The following EFL1 variants were observed in gnomAD, a reference collection of about 807,000 sequenced individuals.
EFL1 encodes the protein elongation factor like GTPase 1.
In EFL1, 76 loss-of-function variants were observed where a neutral mutation model predicts 126.7. The observed-to-expected ratio is 0.60, with a 90% CI of 0.50 to 0.73. The LOEUF (loss-of-function observed/expected upper bound fraction) is 0.73. Among genes scored for constraint, EFL1 ranks in the 30% least tolerant of loss-of-function variants. EFL1 has a pLI of 0.00. For synonymous variants in EFL1, 410 were observed against 448.4 expected, an observed-to-expected ratio of 0.91 and a Z score of 1.08; for missense variants, 1,128 against 1,343.2, an observed-to-expected ratio of 0.84 and a Z score of 2.50.
chr15:82,259,171 C>T lies in EFL1; in HGVS notation c.92-16G>A. The T allele has an allele frequency of 6.2e-7, 1 of 1,608,742 alleles. No individual in the cohort carries two copies. Among genetic ancestry groups the T allele is most frequent in the East Asian group, 2.2e-5 (1 of 44,826 alleles). ...GTAGTTTTTCCTGTTAAAATAGCAA[C>T]ATCAATTCAAATCTATATCTTTTTT... On this transcript the variant is annotated splice_polypyrimidine_tract_variant and intron_variant, in intron 2 of 19. Coordinates refer to ENST00000268206, the MANE Select transcript of EFL1 (RefSeq NM_024580.6).
chr15:82,136,237 C>A (rs117235117), intron 19 of EFL1, among the ~76,000 whole-genome samples: 2,746 of 152,302 alleles, frequency 0.018, 30 homozygotes, highest in Non-Finnish European at 0.026. Flanking sequence ...TACAACAGCT[C>A]TGAATGCCTA....
intron 19 of EFL1, 63 bp from the exon 20 acceptor site, chr15:82,130,624 T>C: frequency 6.5e-7 from 1 of 1,545,838 alleles, no homozygotes. Flanking sequence ...CCTTATTCAC[T>C]GAGCTCCCCA....
intron 14 of EFL1, among the ~76,000 whole-genome samples, chr15:82,217,440 A>G (rs2074662085): frequency 6.6e-6 from 1 of 151,798 alleles, no homozygotes; most frequent in African/African-American, 2.4e-5. Flanking sequence ...TATAAATAAA[A>G]TGTACATTTA....
chr15:82,146,663 AG>A (rs1471420218), intron 18 of EFL1, among the ~76,000 whole-genome samples: 2 of 151,334 alleles, frequency 1.3e-5, no homozygotes, highest in African/African-American at 4.9e-5. Flanking sequence ...CTTTTAAGGC[AG>A]TGGATGTGGT....
intron 15 of EFL1, among the ~76,000 whole-genome samples, chr15:82,182,891 G>C (rs2074266684): frequency 2.0e-5 from 3 of 152,084 alleles, no homozygotes; most frequent in Admixed American, 2.0e-4. Flanking sequence ...TATGAAGTCA[G>C]AACAGTCAGC....
chr15:82,259,689 A>G (rs543088507), intron 2 of EFL1, among the ~76,000 whole-genome samples: 4 of 152,328 alleles, frequency 2.6e-5, no homozygotes, highest in South Asian at 4.1e-4. Flanking sequence ...ACATACAACT[A>G]AAGTCTATGA....
At chr15:82,200,371 T>C (rs2074454246) in intron 15 of EFL1, among the ~76,000 whole-genome samples, 4 of 152,206 alleles carry the variant, frequency 2.6e-5, no homozygotes, top group Non-Finnish European at 1.5e-5. Context: ...ATAACAACTT[T>C]AGGCAGAGGC....
At chr15:82,166,553 A>G (rs1247530262) in intron 15 of EFL1, among the ~76,000 whole-genome samples, 1 of 152,240 alleles carries the variant, frequency 6.6e-6, no homozygotes, top group Non-Finnish European at 1.5e-5. Flanking sequence ...GAATCACTAT[A>G]AAGTGACTTT....
intron 13 of EFL1, 39 bp downstream of exon 13, chr15:82,220,039 C>G (rs759523169): frequency 1.3e-6 from 2 of 1,562,410 alleles, no homozygotes; most frequent in East Asian, 2.3e-5. Flanking sequence ...AGCAAAAAGG[C>G]AAATACTTTG....
At chr15:82,237,137 T>C (rs1388271213) in intron 7 of EFL1, among the ~76,000 whole-genome samples, 2 of 152,122 alleles carry the variant, frequency 1.3e-5, no homozygotes, top group African/African-American at 2.4e-5. Context: ...GGCAAGACTC[T>C]GTCTCAAAAA....
At chr15:82,207,522 T>C (rs2074538332) in intron 15 of EFL1, among the ~76,000 whole-genome samples, 1 of 151,936 alleles carries the variant, frequency 6.6e-6, no homozygotes, top group Non-Finnish European at 1.5e-5. Context: ...AAGTATGATT[T>C]TTAAATTAAA....
chr15:82,141,815 G>A (rs754299020), intron 18 of EFL1, among the ~76,000 whole-genome samples: 2 of 152,194 alleles, frequency 1.3e-5, no homozygotes, highest in African/African-American at 2.4e-5. Context: ...GGGGCCAGTG[G>A]GGACAAGCTG....
chr15:82,215,919 A>G (rs762189093), intron 14 of EFL1, among the ~76,000 whole-genome samples: 3 of 152,154 alleles, frequency 2.0e-5, no homozygotes, highest in Non-Finnish European at 4.4e-5. Flanking sequence ...TGGGCTGGAG[A>G]GATAGAAAAA....
In EFL1 at chr15:82,152,362, T is replaced by G; in HGVS notation, c.2092A>C (p.Lys698Gln). The change falls in exon 18 of 20, where the codon AAA becomes CAA. Residue 698 changes from lysine to glutamine, a missense_variant. Transcript: ENST00000268206. Reference protein sequence around the residue: ...PIIPFRETITKPPKVDMVNEE... With the variant: ...PIIPFRETITQPPKVDMVNEE... Reference sequence around the variant, plus strand: ...TTGACCATGTCAACTTTTGGGGGTTTTGTGATTGTTTCTCTGAATGGAATA... The same window carrying G: ...TTGACCATGTCAACTTTTGGGGGTTGTGTGATTGTTTCTCTGAATGGAATA... The G allele has an allele frequency of 6.2e-7, 1 of 1,613,648 alleles. No homozygotes were observed. Among genetic ancestry groups the G allele is most frequent in the Non-Finnish European group, 8.5e-7 (1 of 1,180,030 alleles).
intron 14 of EFL1, among the ~76,000 whole-genome samples, chr15:82,216,302 G>GC (rs2074645963): frequency 6.6e-6 from 1 of 152,128 alleles, no homozygotes; most frequent in Admixed American, 6.5e-5. Context: ...GCTGATTCAT[G>GC]CCAAATAGGT....
intron 17 of EFL1, among the ~76,000 whole-genome samples, chr15:82,155,563 T>C (rs2141233002): frequency 6.6e-6 from 1 of 152,312 alleles, no homozygotes; most frequent in East Asian, 1.9e-4. Context: ...CACATTTGCC[T>C]AGCTTTGTGT....
chr15:82,163,136 C>A (rs1006972308), intron 16 of EFL1, among the ~76,000 whole-genome samples: 1 of 152,254 alleles, frequency 6.6e-6, no homozygotes, highest in African/African-American at 2.4e-5. Context: ...TCTAAACAGA[C>A]GGGAAATTCT....
chr15:82,130,278 G>C lies in EFL1; in HGVS notation c.*95C>G. 1 of 1,262,620 alleles carries C rather than the reference G, an allele frequency of 7.9e-7. No homozygotes were observed. Among genetic ancestry groups the C allele is most frequent in the East Asian group, 2.5e-5 (1 of 40,704 alleles). The allele number at this position is 1,262,620 out of a possible 1,614,324, so 78.2% of individuals were successfully genotyped here. ...CAACTTTATTGAAAGTGAATAAACAGAGATAATGTGGCAAAAAGAAATTTT... is the reference window on the plus strand; with the variant it reads ...CAACTTTATTGAAAGTGAATAAACACAGATAATGTGGCAAAAAGAAATTTT... On this transcript the variant is annotated 3_prime_UTR_variant, in exon 20 of 20. Transcript: ENST00000268206.
chr15:82,164,581 G>A (rs549353319), intron 15 of EFL1, among the ~76,000 whole-genome samples: 1 of 152,266 alleles, frequency 6.6e-6, no homozygotes, highest in East Asian at 1.9e-4. Context: ...TGAGCAGATG[G>A]AAGCAAAAAG....
Sources: gnomAD v4.1 joint callset for allele counts (sites outside exome capture counted in the v4.1 genomes callset) on GRCh38, gnomAD v4.1.1 for gene constraint, MANE v1.5 for transcripts, NCBI Gene and HGNC (gene_info 2026-07-23, HGNC 2026-07-21) for gene names.